The following C16orf74 variants were observed in gnomAD, a reference collection of about 807,000 sequenced individuals.
C16orf74 encodes uncharacterized protein C16orf74.
Under a neutral mutation model 6.5 loss-of-function variants are expected in C16orf74, and 10 were observed. That is an observed-to-expected ratio of 1.54 (90% CI 0.95 to 2.61). The LOEUF is 2.61. Ranked by LOEUF, C16orf74 falls within the 30% of genes most tolerant of loss-of-function variation. The pLI is 0.00. For missense variants in C16orf74, 141 were observed against 105.9 expected, an observed-to-expected ratio of 1.33 and a Z score of -1.45; for synonymous variants, 60 against 42.5, an observed-to-expected ratio of 1.41 and a Z score of -1.60.
At chr16:85,710,025 C>G in intron 3 of C16orf74, 139 bp downstream of exon 3, 1 of 675,280 alleles carries the variant, frequency 1.5e-6, no homozygotes, top group Non-Finnish European at 2.3e-6. Context: ...GTACACAGGT[C>G]TGACCATAAA....
In C16orf74 at chr16:85,718,926, C is replaced by T. The variant is rs561605108; in HGVS notation, c.29-8619G>A. The stretch of plus-strand genomic sequence containing the variant: ...GGTCGGGGGACTTGTCGCCCCCTTG[C>T]GGTCACGCAGCTGGAGTGGGTGCTA... On this transcript the variant is annotated intron_variant, in intron 2 of 3. Coordinates refer to ENST00000284245, the MANE Select transcript of C16orf74 (RefSeq NM_206967.3). Among the ~76,000 whole-genome samples, 22 of 152,350 alleles carry T rather than the reference C, an allele frequency of 1.4e-4. No individual in the cohort carries two copies. The South Asian group carries it at 1.5e-3, about 10-fold the overall frequency.
intron 1 of C16orf74, among the ~76,000 whole-genome samples, chr16:85,750,620 C>T (rs2152068215): frequency 6.6e-6 from 1 of 152,348 alleles, no homozygotes; most frequent in East Asian, 1.9e-4. Flanking sequence ...CTCGTGACGG[C>T]GCGGGGTGGC....
At chr16:85,730,299 T>C (rs953529475) in intron 2 of C16orf74, among the ~76,000 whole-genome samples, 7 of 152,130 alleles carry the variant, frequency 4.6e-5, no homozygotes, top group Non-Finnish European at 1.0e-4. Context: ...GAGGAGCCCA[T>C]GTCTCATTTC....
intron 2 of C16orf74, among the ~76,000 whole-genome samples, chr16:85,724,813 T>C (rs1366166572): frequency 2.6e-5 from 4 of 152,200 alleles, no homozygotes; most frequent in Non-Finnish European, 5.9e-5. Context: ...GTGCCAAGTC[T>C]TGGGCCAGGT....
intron 2 of C16orf74, among the ~76,000 whole-genome samples, chr16:85,722,062 G>A (rs886526498): frequency 4.1e-5 from 6 of 147,716 alleles, no homozygotes; most frequent in African/African-American, 7.6e-5. Flanking sequence ...GGGCTCACGC[G>A]GTCTTGCTGC....
intron 2 of C16orf74, among the ~76,000 whole-genome samples, chr16:85,711,092 T>G (rs1308167391): frequency 6.6e-6 from 1 of 151,974 alleles, no homozygotes; most frequent in Non-Finnish European, 1.5e-5. Flanking sequence ...GGCGGGCAGA[T>G]CACTTGAGGT....
At chr16:85,737,390 C>T (rs1041233480) in intron 1 of C16orf74, among the ~76,000 whole-genome samples, 2 of 152,190 alleles carry the variant, frequency 1.3e-5, no homozygotes, top group African/African-American at 4.8e-5. Flanking sequence ...CGCACATCAC[C>T]CAGGAGCTTT....
At chr16:85,708,945 A>G (rs517710) in intron 3 of C16orf74, among the ~76,000 whole-genome samples, 106,657 of 152,264 alleles carry the variant, frequency 0.7, 37,684 homozygotes, top group East Asian at 0.87. Context: ...TGCGGGGAGG[A>G]CATCCGGCCT....
At position 85,736,888 on chromosome 16, in the gene C16orf74, A is replaced by T. The variant is rs61175785; in HGVS notation, c.-18-1653T>A. Among the ~76,000 whole-genome samples the T allele has an allele frequency of 7.0e-3, 1,065 of 152,232 alleles. 14 individuals carry two copies. The highest frequency in any genetic ancestry group is 0.024 in the African/African-American group (997 of 41,530). On this transcript the variant is annotated intron_variant, in intron 1 of 3. Coordinates refer to ENST00000284245, the MANE Select transcript of C16orf74 (RefSeq NM_206967.3). ...GTGAAACCCCATCTCTACTAAAAAT[A>T]AAAAAATGAGCCAGGCATGGTGGTG... is the stretch of plus-strand genomic sequence containing the variant.
intron 2 of C16orf74, among the ~76,000 whole-genome samples, chr16:85,711,424 G>T (rs1350664914): frequency 6.7e-6 from 1 of 148,802 alleles, no homozygotes; most frequent in Non-Finnish European, 1.5e-5. Context: ...AGACCAGCCT[G>T]ACCAACACGG....
chr16:85,723,259 C>CAAA (rs5818553), intron 2 of C16orf74, among the ~76,000 whole-genome samples: 5 of 60,100 alleles, frequency 8.3e-5, no homozygotes, highest in Admixed American at 2.0e-4. Flanking sequence ...GACTCCATCT[C>CAAA]AAAAAAAAAA....
chr16:85,741,917 G>C (rs2054312975), intron 1 of C16orf74, among the ~76,000 whole-genome samples: 1 of 152,116 alleles, frequency 6.6e-6, no homozygotes, highest in Admixed American at 6.6e-5. Context: ...TTGGATATTT[G>C]TCCCTTCCAA....
intron 1 of C16orf74, among the ~76,000 whole-genome samples, chr16:85,736,058 C>T (rs2054241310): frequency 6.6e-6 from 1 of 152,128 alleles, no homozygotes; most frequent in South Asian, 2.1e-4. Context: ...GCTGGGGCCC[C>T]ACCCCACAGG....
chr16:85,728,435 C>A (rs2054155563), intron 2 of C16orf74, among the ~76,000 whole-genome samples: 2 of 152,176 alleles, frequency 1.3e-5, no homozygotes, highest in African/African-American at 4.8e-5. Context: ...AAGGGACCTT[C>A]CCCAGGACAG....
intron 2 of C16orf74, among the ~76,000 whole-genome samples, chr16:85,719,195 C>T (rs747897326): frequency 2.6e-5 from 4 of 152,222 alleles, no homozygotes; most frequent in Non-Finnish European, 5.9e-5. Flanking sequence ...AGTCAACAGG[C>T]ATTTATTGTG....
At chr16:85,742,605 G>T (rs1050191422) in intron 1 of C16orf74, among the ~76,000 whole-genome samples, 2 of 151,984 alleles carry the variant, frequency 1.3e-5, no homozygotes, top group African/African-American at 2.4e-5. Flanking sequence ...GCAATGGTGC[G>T]ATCTCGGCTC....
At chr16:85,721,369 G>A (rs1485474529) in intron 2 of C16orf74, among the ~76,000 whole-genome samples, 1 of 152,138 alleles carries the variant, frequency 6.6e-6, no homozygotes. Context: ...CAGTGTCCCT[G>A]GCCTCTAGAC....
At chr16:85,738,491 A>ATT (rs34393375) in intron 1 of C16orf74, among the ~76,000 whole-genome samples, 2,479 of 145,516 alleles carry the variant, frequency 0.017, 70 homozygotes, top group African/African-American at 0.06. Flanking sequence ...CACCCAGCTA[A>ATT]TTTTTTTTTT....
At chr16:85,714,564 C>T (rs1347456348) in intron 2 of C16orf74, among the ~76,000 whole-genome samples, 4 of 151,806 alleles carry the variant, frequency 2.6e-5, no homozygotes, top group African/African-American at 7.3e-5. Context: ...GGATTACAGG[C>T]GCCTGCCACC....
Sources: gnomAD v4.1 joint callset for allele counts (sites outside exome capture counted in the v4.1 genomes callset) on GRCh38, gnomAD v4.1.1 for gene constraint, MANE v1.5 for transcripts, NCBI Gene and HGNC (gene_info 2026-07-23, HGNC 2026-07-21) for gene names.